CHM: variants seen among roughly 807,000 people sequenced by gnomAD.
The protein encoded by CHM is CHM Rab escort protein, also known as rab proteins geranylgeranyltransferase component A 1.
Under a neutral mutation model 49.0 loss-of-function variants are expected in CHM, and 10 were observed. The ratio of observed to expected loss-of-function variants is 0.20; its 90% confidence interval spans 0.13 to 0.35. CHM has a LOEUF of 0.35. Among genes scored for constraint, CHM ranks in the 10% least tolerant of loss-of-function variants. The pLI is 1.00. For synonymous variants in CHM, 184 were observed against 167.5 expected (o/e 1.10, Z -0.76); for missense variants, 455 against 478.4 (o/e 0.95, Z 0.46).
At chrX:85,927,100 G>A (rs1369036253) in intron 8 of CHM, among the ~76,000 whole-genome samples, 1 of 111,588 alleles carries the variant, frequency 9.0e-6, no homozygotes, top group Non-Finnish European at 1.9e-5. Context: ...TGTAAGCATG[G>A]TTTTCTTTTG....
chrX:85,944,795 A>T (rs1461722657), intron 8 of CHM, among the ~76,000 whole-genome samples: 3 of 112,063 alleles, frequency 2.7e-5, no homozygotes, highest in Non-Finnish European at 5.6e-5. Context: ...TACACAAAGG[A>T]ATACAAATCA....
chrX:85,899,805 A>C (rs778043101), intron 11 of CHM, among the ~76,000 whole-genome samples: 1 of 108,818 alleles, frequency 9.2e-6, no homozygotes, highest in African/African-American at 3.3e-5. Context: ...TGATTTATAC[A>C]TATTACCATG....
intron 1 of CHM, among the ~76,000 whole-genome samples, chrX:86,036,503 C>T (rs1934250876): frequency 9.1e-6 from 1 of 110,477 alleles, no homozygotes; most frequent in Admixed American, 9.6e-5. Context: ...TAAAATGTTT[C>T]CTATTGGACC....
intron 3 of CHM, among the ~76,000 whole-genome samples, chrX:85,980,826 T>C (rs1407460920): frequency 1.8e-5 from 2 of 110,887 alleles, no homozygotes; most frequent in Admixed American, 1.9e-4. Flanking sequence ...AGTTTCTTTA[T>C]AATGGTATTC....
chrX:85,937,281 A>C (rs112193561), intron 8 of CHM, among the ~76,000 whole-genome samples: 3,401 of 108,532 alleles, frequency 0.031, 152 homozygotes, highest in African/African-American at 0.11. Context: ...AAAAAAAAAA[A>C]CAGTCTGTGT....
chrX:86,006,901 A>G (rs1407737193), intron 2 of CHM, among the ~76,000 whole-genome samples: 3 of 112,053 alleles, frequency 2.7e-5, no homozygotes, highest in Non-Finnish European at 5.6e-5. Flanking sequence ...CAGAATTGGA[A>G]AAAAGTACTT....
chrX:85,920,805 T>C (rs759794202), intron 8 of CHM, among the ~76,000 whole-genome samples: 3 of 111,929 alleles, frequency 2.7e-5, no homozygotes, highest in South Asian at 3.7e-4. Context: ...ACCTGCCCCA[T>C]TGTCAGTATT....
At chrX:85,872,604 T>A (rs2148119897) in intron 14 of CHM, among the ~76,000 whole-genome samples, 1 of 112,148 alleles carries the variant, frequency 8.9e-6, no homozygotes, top group Admixed American at 9.5e-5. Flanking sequence ...GATTAAAAAA[T>A]GCATTAAGAC....
At chrX:85,979,265 G>A (rs1931460108) in intron 3 of CHM, among the ~76,000 whole-genome samples, 1 of 110,806 alleles carries the variant, frequency 9.0e-6, no homozygotes, top group Non-Finnish European at 1.9e-5. Context: ...ATAAAAACAG[G>A]GCCTTTTTTT....
At chrX:85,895,127 T>A (rs745499736) in intron 11 of CHM, among the ~76,000 whole-genome samples, 10 of 103,354 alleles carry the variant, frequency 9.7e-5, no homozygotes, top group Non-Finnish European at 1.6e-4. Flanking sequence ...CAGGTCAATG[T>A]TTTTTTTTGT....
At chrX:85,868,710 G>A (rs1003135221) in intron 14 of CHM, among the ~76,000 whole-genome samples, 9 of 111,289 alleles carry the variant, frequency 8.1e-5, no homozygotes, top group Admixed American at 5.7e-4. Context: ...TGCCTCTAGA[G>A]TTCCCCCATA....
chrX:85,947,814 T>G (rs1418679238), intron 8 of CHM, among the ~76,000 whole-genome samples: 1 of 112,258 alleles, frequency 8.9e-6, no homozygotes, highest in Non-Finnish European at 1.9e-5. Context: ...TCAGGAAAAT[T>G]TCATCTGAGG....
intron 12 of CHM, among the ~76,000 whole-genome samples, chrX:85,889,388 C>G (rs753956624): frequency 7.2e-5 from 8 of 111,850 alleles, no homozygotes; most frequent in African/African-American, 2.6e-4. Flanking sequence ...CATTAAAAAG[C>G]AGGCAAAGAT....
At chrX:85,935,405 A>G in intron 8 of CHM, among the ~76,000 whole-genome samples, 1 of 111,535 alleles carries the variant, frequency 9.0e-6, no homozygotes, top group Non-Finnish European at 1.9e-5. Context: ...ACAGCCATCC[A>G]TCGCTTAACA....
intron 2 of CHM, among the ~76,000 whole-genome samples, chrX:85,982,146 T>C (rs1172318399): frequency 2.7e-5 from 3 of 111,865 alleles, no homozygotes; most frequent in Non-Finnish European, 5.6e-5. Flanking sequence ...TTAACAAATG[T>C]GGCAAGGAAG....
At chrX:85,954,094 T>A (rs1929889471) in intron 8 of CHM, among the ~76,000 whole-genome samples, 1 of 111,654 alleles carries the variant, frequency 9.0e-6, no homozygotes, top group Non-Finnish European at 1.9e-5. Context: ...TCTAATGATA[T>A]GACTAAAAAT....
intron 2 of CHM, among the ~76,000 whole-genome samples, chrX:86,020,628 C>A (rs778833166): frequency 1.9e-5 from 2 of 105,066 alleles, no homozygotes; most frequent in African/African-American, 6.9e-5. Context: ...ATATGATATA[C>A]ATCTGATATA....
At chrX:85,945,708 A>G (rs1569421762) in intron 8 of CHM, among the ~76,000 whole-genome samples, 1 of 110,386 alleles carries the variant, frequency 9.1e-6, no homozygotes, top group African/African-American at 3.3e-5. Flanking sequence ...GCATTGCTAT[A>G]AAGATACCTG....
intron 2 of CHM, among the ~76,000 whole-genome samples, chrX:86,008,615 AT>A (rs1932928917): frequency 8.9e-6 from 1 of 111,868 alleles, no homozygotes; most frequent in African/African-American, 3.2e-5. Flanking sequence ...ATAAACAGCT[AT>A]TGTACAGTTA....
Sources: gnomAD v4.1 joint callset for allele counts (sites outside exome capture counted in the v4.1 genomes callset) on GRCh38, gnomAD v4.1.1 for gene constraint, MANE v1.5 for transcripts, NCBI Gene and HGNC (gene_info 2026-07-23, HGNC 2026-07-21) for gene names.